The following CDH3 variants were observed in gnomAD, a reference collection of about 807,000 sequenced individuals.
CDH3 encodes cadherin 3.
CDH3 carries 54 observed loss-of-function variants against 82.0 expected under a neutral mutation model. The observed-to-expected ratio is 0.66, with a 90% CI of 0.53 to 0.83. The LOEUF (loss-of-function observed/expected upper bound fraction) is 0.83. Among genes scored for constraint, CDH3 ranks in the 40% least tolerant of loss-of-function variants. CDH3 has a pLI of 0.00. For missense variants in CDH3, 1,054 were observed against 1,084.6 expected (o/e 0.97, Z 0.40); for synonymous variants, 446 against 437.9 (o/e 1.02, Z -0.23).
At chr16:68,705,594 GTAT>G (rs1487054823) in intron 1 of CDH3, among the ~76,000 whole-genome samples, 1 of 151,534 alleles carries the variant, frequency 6.6e-6, no homozygotes, top group Non-Finnish European at 1.5e-5. Flanking sequence ...GCTAACTTTT[GTAT>G]TTTTAGTAGA....
chr16:68,711,807 C>T (rs992723363), intron 1 of CDH3, among the ~76,000 whole-genome samples: 1 of 152,098 alleles, frequency 6.6e-6, no homozygotes, highest in Admixed American at 6.6e-5. Context: ...AGCAGAGGAA[C>T]CCTGCTTGTG....
intron 2 of CDH3, among the ~76,000 whole-genome samples, chr16:68,725,919 G>A (rs1213978338): frequency 2.0e-5 from 3 of 152,052 alleles, no homozygotes; most frequent in Non-Finnish European, 2.9e-5. Flanking sequence ...GCTGGGCATG[G>A]TGGGACATGC....
At chr16:68,730,019 G>A (rs8048577), downstream of CDH3, among the ~76,000 whole-genome samples, 5,011 of 152,130 alleles carry the variant, frequency 0.033, 266 homozygotes, top group African/African-American at 0.11. Flanking sequence ...TGGATCATGA[G>A]GTCAGGAGTT....
intron 1 of CDH3, among the ~76,000 whole-genome samples, chr16:68,710,704 T>C (rs1185450215): frequency 6.7e-6 from 1 of 149,082 alleles, no homozygotes; most frequent in East Asian, 2.0e-4. Context: ...ATTAGCCGAG[T>C]GTGGTGGCGG....
In CDH3 at chr16:68,695,131, T is replaced by G. The variant is rs1178679170; in HGVS notation, c.2003-124T>G. ...TTTTCCTAGGTGCAAGTAAAGCCAT[T>G]GTAGCATGTTAAGCTCTGGCTACTG... is the stretch of plus-strand genomic sequence containing the variant. On this transcript the variant is annotated intron_variant, in intron 13 of 15. Coordinates refer to ENST00000264012, the MANE Select transcript of CDH3 (RefSeq NM_001793.6). 3 of 1,022,594 alleles carry G rather than the reference T, an allele frequency of 2.9e-6. No homozygotes were observed. In the African/African-American group the frequency reaches 4.7e-5, roughly 16 times the overall value. 63.3% of individuals were successfully genotyped at this position (1,022,594 alleles called of 1,614,324 possible). A position where few individuals can be genotyped will look rare whatever the true frequency, so the allele number is the denominator to read the frequency against.
At chr16:68,717,101 G>A (rs1962104321) in intron 1 of CDH3, among the ~76,000 whole-genome samples, 1 of 151,912 alleles carries the variant, frequency 6.6e-6, no homozygotes, top group Non-Finnish European at 1.5e-5. Context: ...TGTCAATTGT[G>A]ATTATCTCTA....
At chr16:68,717,681 G>A (rs1962111026) in intron 1 of CDH3, among the ~76,000 whole-genome samples, 1 of 151,998 alleles carries the variant, frequency 6.6e-6, no homozygotes, top group Non-Finnish European at 1.5e-5. Context: ...GCTGAGGCAG[G>A]AGAATCGCTT....
At chr16:68,733,434 T>C in the CDH3 span, among the ~76,000 whole-genome samples, 2 of 152,018 alleles carry the variant, frequency 1.3e-5, no homozygotes, top group Non-Finnish European at 2.9e-5. Flanking sequence ...TGCTTAGGTA[T>C]CCCTGTTTGA....
chr16:68,732,051 G>GTT (rs71930035), downstream of CDH3, among the ~76,000 whole-genome samples: 11,299 of 143,692 alleles, frequency 0.079, 592 homozygotes, highest in Non-Finnish European at 0.12. Flanking sequence ...AAATAAAACT[G>GTT]TTTTTTTTTT....
chr16:68,677,859 G>A (rs1961074943), intron 3 of CDH3, among the ~76,000 whole-genome samples: 1 of 151,954 alleles, frequency 6.6e-6, no homozygotes, highest in Non-Finnish European at 1.5e-5. Flanking sequence ...TATTTCACTG[G>A]TCCTCCTGTA....
chr16:68,649,761 C>T (rs1411678062), intron 2 of CDH3, among the ~76,000 whole-genome samples: 12 of 152,146 alleles, frequency 7.9e-5, no homozygotes, highest in South Asian at 4.2e-4. Context: ...GGGCGAGGCG[C>T]GGTGGCTCAC....
intron 12 of CDH3, among the ~76,000 whole-genome samples, chr16:68,688,474 G>A (rs3114405): frequency 0.22 from 33,626 of 151,974 alleles, 3,936 homozygotes; most frequent in Admixed American, 0.28. Flanking sequence ...CGTAGTCCCA[G>A]TTACTCAGGA....
rs1289602409 is a variant in CDH3, at chr16:68,691,930, A to G, written c.2002+4A>G. ...GGGGCTGTCCTGGCTCTGCTGTGTGAGTACCAGGCCCCCACCCCCTCCCTG... is the reference window on the plus strand; with the variant it reads ...GGGGCTGTCCTGGCTCTGCTGTGTGGGTACCAGGCCCCCACCCCCTCCCTG... On this transcript the variant is annotated splice_donor_region_variant and intron_variant, in intron 13 of 15. Coordinates refer to ENST00000264012, the MANE Select transcript of CDH3 (RefSeq NM_001793.6). 1 of 1,608,888 alleles carries G rather than the reference A, an allele frequency of 6.2e-7. No homozygotes were observed. Among genetic ancestry groups the G allele is most frequent in the Admixed American group, 1.7e-5 (1 of 59,944 alleles).
chr16:68,692,016 C>T (rs1414578277), intron 13 of CDH3, 90 bp downstream of exon 13: 7 of 1,012,770 alleles, frequency 6.9e-6, no homozygotes, highest in South Asian at 5.9e-5. Context: ...AACTAAGAGG[C>T]CACCAACATT....
intron 1 of CDH3, among the ~76,000 whole-genome samples, chr16:68,719,862 C>T (rs1962142507): frequency 6.6e-6 from 1 of 152,018 alleles, no homozygotes; most frequent in Admixed American, 6.6e-5. Flanking sequence ...TGTCAAAACT[C>T]ACAGAACTTG....
At chr16:68,724,857 A>G (rs149058613) in intron 2 of CDH3, among the ~76,000 whole-genome samples, 16 of 152,254 alleles carry the variant, frequency 1.1e-4, no homozygotes, top group South Asian at 4.2e-4. Flanking sequence ...TTTGTCTCCA[A>G]ACATCTTTGG....
chr16:68,681,471 A>G lies in CDH3; in HGVS notation c.996+375A>G, dbSNP rs370200541. On this transcript the variant is annotated intron_variant, in intron 8 of 15. Transcript: ENST00000264012. ...CTCCAAGGCAGAGGACTCAGTGCCA[A>G]TCAAGGTGCCAATTACATCCTCCCC... Among the ~76,000 whole-genome samples, 19 of 152,344 alleles carry G rather than the reference A, an allele frequency of 1.2e-4. No homozygotes were observed. In the East Asian group the frequency reaches 3.7e-3, roughly 29 times the overall value.
At chr16:68,654,774 A>G (rs12923069) in intron 2 of CDH3, among the ~76,000 whole-genome samples, 118,639 of 146,180 alleles carry the variant, frequency 0.81, 48,376 homozygotes, top group African/African-American at 0.92. Context: ...GATGGCTCAC[A>G]CCTGTAATCC....
chr16:68,706,256 C>T (rs1961962632), intron 1 of CDH3, among the ~76,000 whole-genome samples: 1 of 152,128 alleles, frequency 6.6e-6, no homozygotes, highest in African/African-American at 2.4e-5. Context: ...AATTCACAGA[C>T]ACCTAGAATA....
Sources: allele counts gnomAD v4.1 joint callset (sites outside exome capture counted in the v4.1 genomes callset), GRCh38; gene constraint gnomAD v4.1.1; transcripts MANE v1.5; gene names NCBI Gene and HGNC (gene_info 2026-07-23, HGNC 2026-07-21).